The following PTK2 variants were observed in gnomAD, a reference collection of about 807,000 sequenced individuals.
PTK2 encodes protein tyrosine kinase 2, also known as focal adhesion kinase 1.
A neutral mutation model predicts 150.1 loss-of-function variants in PTK2; 45 were observed. That is an observed-to-expected ratio of 0.30 (90% CI 0.24 to 0.38). The LOEUF (loss-of-function observed/expected upper bound fraction) is 0.38, where lower values mean the gene tolerates loss of function less well. Among genes scored for constraint, PTK2 ranks in the 10% least tolerant of loss-of-function variants. The pLI is 1.00. For synonymous variants in PTK2, 432 were observed against 449.2 expected (o/e 0.96, Z 0.48); for missense variants, 919 against 1,307.3 (o/e 0.70, Z 4.58).
At chr8:140,813,328 A>T (rs1392017318) in intron 10 of PTK2, among the ~76,000 whole-genome samples, 1 of 152,002 alleles carries the variant, frequency 6.6e-6, no homozygotes, top group African/African-American at 2.4e-5. Flanking sequence ...AGTGCTTTGA[A>T]ATGAATGAGA....
intron 14 of PTK2, among the ~76,000 whole-genome samples, chr8:140,777,121 A>C (rs2100078912): frequency 6.6e-6 from 1 of 152,168 alleles, no homozygotes; most frequent in South Asian, 2.1e-4. Context: ...GCCAAACTTA[A>C]CCTGCCTTGT....
At chr8:140,890,665 C>T in exon 3 of PTK2, 1 of 1,614,058 alleles carries the variant, frequency 6.2e-7, no homozygotes, top group Non-Finnish European at 8.5e-7. Context: ...CGTTCCATAC[C>T]AGTACCCAGG....
At chr8:140,665,897 A>G (rs549798806) in intron 30 of PTK2, among the ~76,000 whole-genome samples, 1 of 152,370 alleles carries the variant, frequency 6.6e-6, no homozygotes, top group Admixed American at 6.5e-5. Context: ...AACTTTGGTT[A>G]AAACTGTTAT....
chr8:140,996,368 G>T (rs2100197802), intron 1 of PTK2, among the ~76,000 whole-genome samples: 1 of 152,234 alleles, frequency 6.6e-6, no homozygotes, highest in Non-Finnish European at 1.5e-5. Flanking sequence ...AGAAGCTGCA[G>T]CAAGTTATCG....
At chr8:140,947,414 A>C (rs927067818) in intron 1 of PTK2, among the ~76,000 whole-genome samples, 2 of 152,204 alleles carry the variant, frequency 1.3e-5, no homozygotes, top group Non-Finnish European at 2.9e-5. Context: ...TCCACAGCTA[A>C]AAGTGGCAGC....
chr8:140,662,697 G>A (rs761364462), intron 31 of PTK2: 1 of 586,124 alleles, frequency 1.7e-6, no homozygotes. Flanking sequence ...AGAAGTCAAT[G>A]TCCAGTTGGT....
At chr8:140,690,285 T>C (rs1246146451) in intron 26 of PTK2, among the ~76,000 whole-genome samples, 1 of 152,166 alleles carries the variant, frequency 6.6e-6, no homozygotes, top group East Asian at 1.9e-4. Context: ...AGGGTCTTGA[T>C]CTGCCGCCCA....
intron 2 of PTK2, among the ~76,000 whole-genome samples, chr8:140,893,431 G>A (rs1425540315): frequency 6.6e-6 from 1 of 152,198 alleles, no homozygotes; most frequent in East Asian, 1.9e-4. Context: ...ACAAAATGTG[G>A]TATGCCCAAC....
chr8:140,960,857 G>C (rs1040584309), intron 1 of PTK2, among the ~76,000 whole-genome samples: 1 of 152,146 alleles, frequency 6.6e-6, no homozygotes, highest in South Asian at 2.1e-4. Context: ...GCGCATGCCT[G>C]TAATCCCAGC....
At chr8:140,915,254 G>A (rs913431023) in intron 2 of PTK2, among the ~76,000 whole-genome samples, 1 of 152,006 alleles carries the variant, frequency 6.6e-6, no homozygotes, top group African/African-American at 2.4e-5. Flanking sequence ...ATGGCAGGAG[G>A]ATGAGTCCAT....
chr8:140,714,788 C>T (rs1385101739), intron 23 of PTK2, among the ~76,000 whole-genome samples: 1 of 94,476 alleles, frequency 1.1e-5, no homozygotes, highest in Non-Finnish European at 2.0e-5. Flanking sequence ...TAGAGCAAGG[C>T]TCTGTCTCAA....
At chr8:140,770,825 G>C (rs749691779) in intron 14 of PTK2, 26 bp from the exon 15 acceptor site, 1 of 1,142,972 alleles carries the variant, frequency 8.7e-7, no homozygotes, top group Non-Finnish European at 1.1e-6. Flanking sequence ...AGAGGGGAAA[G>C]AGAAAAATAG....
exon 6 of PTK2, chr8:140,846,669 C>T (rs878966709): frequency 7.5e-6 from 12 of 1,607,810 alleles, no homozygotes; most frequent in Non-Finnish European, 1.0e-5. Flanking sequence ...AACATATAAT[C>T]GCTCTTCACC....
chr8:140,944,051 ACC>A (rs2100176803), intron 1 of PTK2, among the ~76,000 whole-genome samples: 2 of 152,152 alleles, frequency 1.3e-5, no homozygotes, highest in African/African-American at 4.8e-5. Context: ...CCTACTTGCC[ACC>A]CCAACTCACA....
At chr8:140,744,395 G>C (rs2100057501) in intron 19 of PTK2, among the ~76,000 whole-genome samples, 1 of 152,124 alleles carries the variant, frequency 6.6e-6, no homozygotes, top group Admixed American at 6.5e-5. Context: ...TAAACTCCAC[G>C]TGTGTAAAAA....
At chr8:140,973,976 T>TA (rs2100188358) in intron 1 of PTK2, among the ~76,000 whole-genome samples, 3 of 152,186 alleles carry the variant, frequency 2.0e-5, no homozygotes, top group Admixed American at 2.0e-4. Flanking sequence ...GAAACTTTCT[T>TA]ACAGATTGCC....
Position 140,700,745 on chromosome 8 carries a change from A to C in PTK2, c.2499+146T>G. On this transcript the variant is annotated intron_variant, in intron 26 of 31. Coordinates refer to ENST00000522684, the Ensembl canonical transcript of PTK2. The stretch of plus-strand genomic sequence containing the variant: ...CTTGCCTCAGCCTCCCAAATAGGCC[A>C]CCATGCCTGGCCTATTCCAAGTTTT... 4.7e-6 allele frequency: 5 copies of C among 1,067,088 alleles called. No individual in the cohort carries two copies. In the South Asian group the frequency reaches 8.1e-5, roughly 17 times the overall value. The allele number at this position is 1,067,088 out of a possible 1,614,324, so 66.1% of individuals were successfully genotyped here.
At chr8:140,917,154 G>A (rs1430360534) in intron 2 of PTK2, among the ~76,000 whole-genome samples, 1 of 152,184 alleles carries the variant, frequency 6.6e-6, no homozygotes, top group African/African-American at 2.4e-5. Context: ...ACTTTGGGAG[G>A]CCGAGGTGGG....
chr8:140,850,453 C>T (rs115684608), intron 5 of PTK2, among the ~76,000 whole-genome samples: 2,421 of 149,450 alleles, frequency 0.016, 69 homozygotes, highest in African/African-American at 0.055. Flanking sequence ...GGGCCAGGCG[C>T]GGTGGCTTAT....
Sources: gnomAD v4.1 joint callset for allele counts (sites outside exome capture counted in the v4.1 genomes callset) on GRCh38, gnomAD v4.1.1 for gene constraint, MANE v1.5 for transcripts, NCBI Gene and HGNC (gene_info 2026-07-23, HGNC 2026-07-21) for gene names.